Variants in MGST1 observed in about 807,000 individuals in gnomAD.
MGST1 encodes the protein glutathione S-transferase 12.
A neutral mutation model predicts 8.9 loss-of-function variants in MGST1; 5 were observed. The ratio of observed to expected loss-of-function variants is 0.56; its 90% CI spans 0.29 to 1.19. MGST1 has a LOEUF of 1.19. MGST1 is among the 50% of genes most tolerant of loss of function. The pLI, the probability that MGST1 is intolerant of heterozygous loss-of-function variation, is 0.08. For synonymous variants in MGST1, 54 were observed against 67.8 expected (o/e 0.80, Z 1.00); for missense variants, 182 against 187.4 (o/e 0.97, Z 0.17).
intron 4 of MGST1, among the ~76,000 whole-genome samples, chr12:16,534,325 C>T (rs780588401): frequency 2.0e-5 from 3 of 152,176 alleles, no homozygotes; most frequent in Non-Finnish European, 4.4e-5. Context: ...GATGTTTCCT[C>T]CCCAAATTCT....
Position 16,565,944 on chromosome 12 carries a change from A to G in MGST1, n.483-23584A>G, listed in dbSNP as rs534462007. On this transcript the variant is annotated intron_variant and non_coding_transcript_variant, in intron 4 of 4. Coordinates refer to the MGST1 transcript ENST00000538857. ...AATAGTCAAGCTATGGAATCAACCT[A>G]CATGCCCATCAATGGATGAATGGAT... Among the ~76,000 whole-genome samples, 129 of 137,446 alleles carry G rather than the reference A, an allele frequency of 9.4e-4. 2 individuals carry two copies. The highest frequency in any genetic ancestry group is 3.5e-3 in the African/African-American group (129 of 37,152). 90.2% of individuals were successfully genotyped at this position (137,446 alleles called of 152,430 possible). A position where few individuals can be genotyped will look rare whatever the true frequency, so the allele number is the denominator to read the frequency against.
chr12:16,410,420 A>T lies in MGST1; in HGVS notation n.778+26816A>T, dbSNP rs1460002670. Among the ~76,000 whole-genome samples, 1 of 152,046 alleles carries T rather than the reference A, an allele frequency of 6.6e-6. No individual in the cohort carries two copies. Among genetic ancestry groups the T allele is most frequent in the South Asian group, 2.1e-4 (1 of 4,830 alleles). On this transcript the variant is annotated intron_variant and non_coding_transcript_variant, in intron 1 of 1. Coordinates refer to the MGST1 transcript ENST00000359720. This position sits in a 1 kb window ranked among gnomAD's most constrained non-coding sequence, Gnocchi z 4.4. ...CACCAGTTCTCACCCGAATTGCTGCAATAGCCCGTCTGTGTTTTCTAAATC... is the reference window on the plus strand; with the variant it reads ...CACCAGTTCTCACCCGAATTGCTGCTATAGCCCGTCTGTGTTTTCTAAATC...
downstream of MGST1, among the ~76,000 whole-genome samples, chr12:16,590,428 T>C (rs543417302): frequency 6.6e-6 from 1 of 152,208 alleles, no homozygotes; most frequent in South Asian, 2.1e-4. Context: ...AGAGCAAATA[T>C]ATTATTTTAC....
downstream of MGST1, among the ~76,000 whole-genome samples, chr12:16,367,900 T>TTG (rs1940221411): frequency 8.1e-6 from 1 of 123,642 alleles, no homozygotes. Context: ...ATGCTTATCT[T>TTG]TGTATATTTT....
Position 16,586,718 on chromosome 12 carries a change from GAT to G in MGST1, n.483-2809_483-2808del, listed in dbSNP as rs1389220298. ...CTTTTGACCCCCCATTGCAGTAGATGATGTTTTTTTCCATTTCTCTGGTACTT... is the reference window on the plus strand; with the variant it reads ...CTTTTGACCCCCCATTGCAGTAGATGGTTTTTTTCCATTTCTCTGGTACTT... On this transcript the variant is annotated intron_variant and non_coding_transcript_variant, in intron 4 of 4. Transcript: ENST00000538857. The surrounding 1 kb of genome is among the most constrained non-coding windows in gnomAD (Gnocchi z 4.3). Among the ~76,000 whole-genome samples the G allele has an allele frequency of 6.6e-6, 1 of 152,174 alleles. No individual in the cohort carries two copies. The highest frequency in any genetic ancestry group is 1.9e-4 in the East Asian group (1 of 5,188).
chr12:16,387,884 G>T (rs1940519015), intron 1 of MGST1, among the ~76,000 whole-genome samples: 1 of 151,794 alleles, frequency 6.6e-6, no homozygotes, highest in Non-Finnish European at 1.5e-5. Flanking sequence ...ACTTACCATT[G>T]CACTACAATT....
At chr12:16,472,670 A>G (rs1565460948) in intron 4 of MGST1, among the ~76,000 whole-genome samples, 1 of 152,184 alleles carries the variant, frequency 6.6e-6, no homozygotes, top group South Asian at 2.1e-4. Flanking sequence ...GTTTTTATGT[A>G]TATTGAGCAA....
chr12:16,593,064 C>T (rs890891176), downstream of MGST1, among the ~76,000 whole-genome samples: 3 of 151,764 alleles, frequency 2.0e-5, no homozygotes, highest in Non-Finnish European at 4.4e-5. The surrounding 1 kb of genome is among the most constrained non-coding windows in gnomAD (Gnocchi z 4.2). Context: ...TACTGTTAAA[C>T]ATTAGGATTA....
chr12:16,424,026 C>G (rs1254984982), intron 1 of MGST1, among the ~76,000 whole-genome samples: 1 of 152,138 alleles, frequency 6.6e-6, no homozygotes, highest in African/African-American at 2.4e-5. Context: ...AATAAAACAG[C>G]CTATCTAGCT....
intron 4 of MGST1, among the ~76,000 whole-genome samples, chr12:16,530,513 ACACT>A (rs1470522585): frequency 1.3e-5 from 2 of 152,168 alleles, no homozygotes; most frequent in African/African-American, 2.4e-5. Context: ...AAATCTGTAA[ACACT>A]CAGGCTGAAA....
At chr12:16,461,720 T>C (rs1941222832) in intron 4 of MGST1, among the ~76,000 whole-genome samples, 1 of 152,118 alleles carries the variant, frequency 6.6e-6, no homozygotes, top group African/African-American at 2.4e-5. Context: ...TGTGTCTCAA[T>C]TATCTCACAG....
At chr12:16,504,894 C>A (rs962583578) in intron 4 of MGST1, among the ~76,000 whole-genome samples, 4 of 152,158 alleles carry the variant, frequency 2.6e-5, no homozygotes, top group African/African-American at 9.7e-5. Flanking sequence ...TTCTAATCTT[C>A]CTTTTTTAAA....
chr12:16,448,717 T>A (rs971483218), intron 4 of MGST1, among the ~76,000 whole-genome samples: 2 of 151,914 alleles, frequency 1.3e-5, no homozygotes, highest in Middle Eastern at 3.2e-3. Context: ...AGCAATTGTT[T>A]AAATTGGGAT....
At chr12:16,571,005 C>T (rs1177738291) in intron 4 of MGST1, among the ~76,000 whole-genome samples, 1 of 151,932 alleles carries the variant, frequency 6.6e-6, no homozygotes, top group African/African-American at 2.4e-5. Flanking sequence ...GCACATTGTG[C>T]ACATGTACCC....
Position 16,575,503 on chromosome 12 carries a change from GC to G in MGST1, n.483-14022del, listed in dbSNP as rs34756238. On this transcript the variant is annotated intron_variant and non_coding_transcript_variant, in intron 4 of 4. Coordinates refer to the MGST1 transcript ENST00000538857. ...GTGTATAAGAGCTAATGTTTATTGAGCCCTGTCTCTGTACCAGACACTGTTC... is the reference window on the plus strand; with the variant it reads ...GTGTATAAGAGCTAATGTTTATTGAGCCTGTCTCTGTACCAGACACTGTTC... Among the ~76,000 whole-genome samples, 769 of 152,278 alleles carry G rather than the reference GC, an allele frequency of 5.0e-3. 8 individuals carry two copies. Among genetic ancestry groups the G allele is most frequent in the African/African-American group, 0.018 (748 of 41,556 alleles).
intron 4 of MGST1, among the ~76,000 whole-genome samples, chr12:16,529,057 A>C (rs1023825572): frequency 3.9e-5 from 6 of 152,062 alleles, no homozygotes; most frequent in African/African-American, 9.7e-5. Flanking sequence ...TAATCCACTT[A>C]ACCTCATTCA....
At chr12:16,542,412 GCACTTT>G (rs1386122908) in intron 4 of MGST1, among the ~76,000 whole-genome samples, 3 of 152,286 alleles carry the variant, frequency 2.0e-5, no homozygotes, top group Non-Finnish European at 4.4e-5. Flanking sequence ...GAATACAACT[GCACTTT>G]CACTTGAAAT....
intron 4 of MGST1, among the ~76,000 whole-genome samples, chr12:16,577,702 A>AT (rs1943037807): frequency 1.3e-5 from 2 of 152,200 alleles, no homozygotes; most frequent in South Asian, 2.1e-4. Flanking sequence ...CTAGAGGAGA[A>AT]TTTTTTTCCT....
downstream of MGST1, among the ~76,000 whole-genome samples, chr12:16,440,262 C>G (rs1013771012): frequency 2.6e-5 from 4 of 151,576 alleles, no homozygotes; most frequent in African/African-American, 9.7e-5. Flanking sequence ...CACACACACA[C>G]ACACACACAT....
Sources: allele counts gnomAD v4.1 joint callset (sites outside exome capture counted in the v4.1 genomes callset), GRCh38; gene constraint gnomAD v4.1.1; non-coding constraint Gnocchi (gnomAD v3.1); transcripts MANE v1.5; gene names NCBI Gene and HGNC (gene_info 2026-07-23, HGNC 2026-07-21).